Variants in SRRM4 observed in about 807,000 individuals in gnomAD.
The protein encoded by SRRM4 is serine/arginine repetitive matrix protein 4.
Under a neutral mutation model 68.9 loss-of-function variants are expected in SRRM4, and 33 were observed. The observed-to-expected ratio is 0.48, with a 90% CI of 0.36 to 0.64. The LOEUF (loss-of-function observed/expected upper bound fraction) is 0.64, where lower values mean the gene tolerates loss of function less well. SRRM4 is among the 30% of genes least tolerant of loss of function. SRRM4 has a pLI of 0.00. For missense variants in SRRM4, 817 were observed against 827.1 expected, an observed-to-expected ratio of 0.99 and a Z score of 0.15; for synonymous variants, 318 against 318.8, an observed-to-expected ratio of 1.00 and a Z score of 0.03.
intron 1 of SRRM4, among the ~76,000 whole-genome samples, chr12:119,038,587 T>C (rs1180258035): frequency 6.6e-6 from 1 of 152,226 alleles, no homozygotes; most frequent in East Asian, 1.9e-4. Flanking sequence ...GCTACGTCTG[T>C]TTGACTTGCA....
intron 1 of SRRM4, among the ~76,000 whole-genome samples, chr12:119,056,753 C>T (rs1475031003): frequency 6.6e-6 from 1 of 152,146 alleles, no homozygotes; most frequent in Non-Finnish European, 1.5e-5. Flanking sequence ...CAATTCCCTC[C>T]CAGTTGCTCA....
intron 1 of SRRM4, among the ~76,000 whole-genome samples, chr12:118,985,793 C>A (rs1418450219): frequency 6.6e-6 from 1 of 152,166 alleles, no homozygotes; most frequent in Non-Finnish European, 1.5e-5. Flanking sequence ...AAGGCTAGAT[C>A]AAGCCACAAT....
intron 1 of SRRM4, among the ~76,000 whole-genome samples, chr12:119,010,763 A>T (rs1211127974): frequency 6.6e-6 from 1 of 152,238 alleles, no homozygotes; most frequent in Non-Finnish European, 1.5e-5. Context: ...ATCAGGAAGA[A>T]TCTGCAAACA....
At chr12:119,050,727 A>G (rs1953737257) in intron 1 of SRRM4, among the ~76,000 whole-genome samples, 1 of 152,194 alleles carries the variant, frequency 6.6e-6, no homozygotes, top group South Asian at 2.1e-4. Flanking sequence ...ACAGGTATTC[A>G]ACAAATATTT....
chr12:119,122,653 G>T (rs1338349533), intron 6 of SRRM4, among the ~76,000 whole-genome samples: 1 of 152,202 alleles, frequency 6.6e-6, no homozygotes, highest in Admixed American at 6.5e-5. Context: ...GCATTTGTGT[G>T]TCTGTGCTTG....
rs1342719562 is a variant in SRRM4 at position 119,138,071 on chromosome 12, G to A, written c.771+7237G>A. Among the ~76,000 whole-genome samples the A allele has an allele frequency of 2.6e-5, 4 of 152,128 alleles. No individual in the cohort carries two copies. In the South Asian group the frequency reaches 6.2e-4, roughly 24 times the overall value. ...AATAGATATGAGTAACAATGATCTC[G>A]TGGGGTTTGGGGTCCGGAGAGCTCA... is the stretch of plus-strand genomic sequence containing the variant. On this transcript the variant is annotated intron_variant, in intron 8 of 12. Transcript: ENST00000267260.
At chr12:119,082,302 C>T (rs895723826) in intron 1 of SRRM4, among the ~76,000 whole-genome samples, 4 of 152,166 alleles carry the variant, frequency 2.6e-5, no homozygotes, top group South Asian at 2.1e-4. Context: ...AGCCACCCCC[C>T]ATCCCCGCCT....
At chr12:119,152,356 A>T (rs532670377) in intron 10 of SRRM4, among the ~76,000 whole-genome samples, 1 of 152,354 alleles carries the variant, frequency 6.6e-6, no homozygotes, top group South Asian at 2.1e-4. Context: ...AATTAAGGAA[A>T]GAAATATAAA....
At chr12:119,045,023 G>A (rs762060671) in intron 1 of SRRM4, among the ~76,000 whole-genome samples, 9 of 152,300 alleles carry the variant, frequency 5.9e-5, no homozygotes, top group Non-Finnish European at 1.3e-4. Flanking sequence ...TTGTTCACGA[G>A]AATCAATTAA....
At chr12:119,076,746 G>A (rs1457879712) in intron 1 of SRRM4, among the ~76,000 whole-genome samples, 1 of 152,204 alleles carries the variant, frequency 6.6e-6, no homozygotes, top group East Asian at 1.9e-4. Context: ...CGCTCTCAGG[G>A]AGGTGGAAGC....
At chr12:118,989,296 G>T (rs141084650) in intron 1 of SRRM4, among the ~76,000 whole-genome samples, 1 of 152,294 alleles carries the variant, frequency 6.6e-6, no homozygotes, top group Non-Finnish European at 1.5e-5. Context: ...GGACAAGCAT[G>T]AAATTTACAG....
At chr12:119,060,449 G>A (rs897392794) in intron 1 of SRRM4, among the ~76,000 whole-genome samples, 2 of 149,598 alleles carry the variant, frequency 1.3e-5, no homozygotes, top group African/African-American at 4.9e-5. Context: ...CTACCTGTGT[G>A]TACATTAACA....
intron 1 of SRRM4, among the ~76,000 whole-genome samples, chr12:119,091,140 A>C (rs73211886): frequency 3.3e-5 from 5 of 152,258 alleles, no homozygotes; most frequent in African/African-American, 1.2e-4. Flanking sequence ...TCTGCAGAGC[A>C]GAAAGTCCTA....
At chr12:119,073,037 T>A (rs1174584726) in intron 1 of SRRM4, among the ~76,000 whole-genome samples, 2 of 151,692 alleles carry the variant, frequency 1.3e-5, no homozygotes, top group Non-Finnish European at 2.9e-5. Context: ...AGTTGTCCAC[T>A]ACTGGGTGAT....
intron 1 of SRRM4, among the ~76,000 whole-genome samples, chr12:119,011,456 C>T (rs529324341): frequency 2.6e-5 from 4 of 152,186 alleles, no homozygotes; most frequent in South Asian, 2.1e-4. Context: ...GTCTCTAGAC[C>T]GTGCCAAATG....
At chr12:118,992,691 T>C (rs906029917) in intron 1 of SRRM4, among the ~76,000 whole-genome samples, 1 of 152,176 alleles carries the variant, frequency 6.6e-6, no homozygotes, top group Non-Finnish European at 1.5e-5. Flanking sequence ...TAAATCCTCA[T>C]TGCCTCACTG....
chr12:119,060,254 T>G (rs1427369777), intron 1 of SRRM4, among the ~76,000 whole-genome samples: 1 of 151,712 alleles, frequency 6.6e-6, no homozygotes, highest in Admixed American at 6.6e-5. Context: ...ACTCTTTTCC[T>G]TGGAATTACT....
chr12:118,997,029 A>G (rs1383504438), intron 1 of SRRM4, among the ~76,000 whole-genome samples: 2 of 152,230 alleles, frequency 1.3e-5, no homozygotes, highest in Admixed American at 6.5e-5. Flanking sequence ...GCAATCGCTC[A>G]GAAGAATCAA....
At chr12:119,023,479 TAAAG>T (rs1565891406) in intron 1 of SRRM4, among the ~76,000 whole-genome samples, 1 of 152,160 alleles carries the variant, frequency 6.6e-6, no homozygotes, top group Non-Finnish European at 1.5e-5. Context: ...AGCCAAATGA[TAAAG>T]AAAGAGGTTG....
Sources: allele counts gnomAD v4.1 joint callset (sites outside exome capture counted in the v4.1 genomes callset), GRCh38; gene constraint gnomAD v4.1.1; transcripts MANE v1.5; gene names NCBI Gene and HGNC (gene_info 2026-07-23, HGNC 2026-07-21).